FBXO7: variants seen among roughly 807,000 people sequenced by gnomAD.
FBXO7 encodes F-box only protein 7.
In FBXO7, 31 loss-of-function variants were observed where a neutral mutation model predicts 50.2. That is an observed-to-expected ratio of 0.62 (90% CI 0.46 to 0.83). FBXO7 has a LOEUF of 0.83. FBXO7 is among the 40% of genes least tolerant of loss of function. FBXO7 has a pLI of 0.00. For synonymous variants in FBXO7, 256 were observed against 253.1 expected (o/e 1.01, Z -0.11); for missense variants, 667 against 646.6 (o/e 1.03, Z -0.34).
intron 2 of FBXO7, among the ~76,000 whole-genome samples, chr22:32,483,294 A>G (rs2057476701): frequency 6.6e-6 from 1 of 152,250 alleles, no homozygotes; most frequent in Non-Finnish European, 1.5e-5. Context: ...TGCAGCATGC[A>G]GTATTTTCCA....
At chr22:32,487,098 CT>C (rs1568975931) in intron 4 of FBXO7, among the ~76,000 whole-genome samples, 1 of 152,232 alleles carries the variant, frequency 6.6e-6, no homozygotes, top group Non-Finnish European at 1.5e-5. Context: ...TCTTGGCAGA[CT>C]TGCATGGCAG....
At chr22:32,490,743 G>T in intron 5 of FBXO7, 1 of 261,504 alleles carries the variant, frequency 3.8e-6, no homozygotes, top group South Asian at 4.9e-5. Flanking sequence ...AACAGGAGCA[G>T]TTCTCCACTG....
Position 32,475,105 on chromosome 22 carries a change from C to T in FBXO7, c.103C>T (p.Leu35=), listed in dbSNP as rs1202155810. The T allele has an allele frequency of 1.3e-6, 2 of 1,544,654 alleles. No individual in the cohort carries two copies. Among genetic ancestry groups the T allele is most frequent in the Non-Finnish European group, 8.7e-7 (1 of 1,145,140 alleles). The change falls in exon 1 of 9, where the codon CTG becomes TTG. Residue 35 remains leucine (L), a synonymous_variant. Transcript: ENST00000266087. ...GCGCTCGCACCTGAGGCAGTCCCTG[C>T]TGTGCACCTGGGGGTACAGGTACGC... ...HLRSHLRQSL[L]CTWGYSSNTR...
chr22:32,489,736 G>T (rs1459921782), intron 5 of FBXO7: 4 of 152,188 alleles, frequency 2.6e-5, no homozygotes, highest in African/African-American at 9.7e-5. Context: ...CAAGTTTATG[G>T]ACTGTTATAA....
In FBXO7 at chr22:32,491,174, C is replaced by G. The variant is rs1387297750; in HGVS notation, c.960C>G (p.Thr320=). The G allele has an allele frequency of 1.9e-6, 3 of 1,597,384 alleles. No homozygotes were observed. Among genetic ancestry groups the G allele is most frequent in the Admixed American group, 3.3e-5 (2 of 59,966 alleles). The change falls in exon 6 of 9, where the codon ACC becomes ACG. Residue 320 remains threonine (T), a synonymous_variant. Coordinates refer to ENST00000266087, the MANE Select transcript of FBXO7 (RefSeq NM_012179.4). ...TGGTGTATCCTCTTCTGGCTTTTAC[C>G]CGACAAGGTAAGAGATGAAATACTG... The part of the protein sequence containing the change: ...DQLVYPLLAF[T]RQALNLPDVF...
chr22:32,479,034 A>T lies in FBXO7; in HGVS notation c.176A>T (p.Asp59Val). The change falls in exon 2 of 9, where the codon GAT becomes GTT. Residue 59 changes from aspartate to valine, a missense_variant. Transcript: ENST00000266087. ...TLNYKDPLTG[D>V]EETLASYGIV... ...AACTACAAGGATCCCCTCACTGGAG[A>T]TGAAGAGACCTTGGCTTCATATGGG... 1 of 1,614,198 alleles carries T rather than the reference A, an allele frequency of 6.2e-7. No homozygotes were observed. The highest frequency in any genetic ancestry group is 8.5e-7 in the Non-Finnish European group (1 of 1,180,028).
At position 32,478,567 on chromosome 22, in the gene FBXO7, A is replaced by G. The variant is rs376425466; in HGVS notation, c.123-414A>G. Among the ~76,000 whole-genome samples, 93 of 152,278 alleles carry G rather than the reference A, an allele frequency of 6.1e-4. 4 individuals are homozygous for G. In the South Asian group the frequency reaches 0.018, roughly 29 times the overall value. Reference sequence around the variant, plus strand: ...AAATACTTTTGATAATTTTCTCAAAACTATAAGCTTGATAGGGTAATGCGT... The same window carrying G: ...AAATACTTTTGATAATTTTCTCAAAGCTATAAGCTTGATAGGGTAATGCGT... On this transcript the variant is annotated intron_variant, in intron 1 of 8. Coordinates refer to ENST00000266087, the MANE Select transcript of FBXO7 (RefSeq NM_012179.4).
intron 1 of FBXO7, among the ~76,000 whole-genome samples, chr22:32,477,836 G>T (rs1048060252): frequency 8.5e-5 from 13 of 152,208 alleles, no homozygotes; most frequent in Admixed American, 5.9e-4. Flanking sequence ...TTATTTGCCA[G>T]TGTTGAAGAT....
rs762946358 is a variant in FBXO7 at position 32,475,429 on chromosome 22, C to T, written c.122+305C>T. ...TCATGGCTTCTGGTTTTGCAGTAAA[C>T]GGAACCAGGGAGAGGAGGGAACGCA... On this transcript the variant is annotated intron_variant, in intron 1 of 8. Transcript: ENST00000266087. 4 of 1,609,408 alleles carry T rather than the reference C, an allele frequency of 2.5e-6. No individual in the cohort carries two copies. In the East Asian group the frequency reaches 9.0e-5, roughly 36 times the overall value.
At chr22:32,484,771 T>A (rs1428437494) in intron 3 of FBXO7, among the ~76,000 whole-genome samples, 1 of 152,212 alleles carries the variant, frequency 6.6e-6, no homozygotes, top group Non-Finnish European at 1.5e-5. Context: ...AATAATCATA[T>A]GGCTTTGCTA....
intron 2 of FBXO7, among the ~76,000 whole-genome samples, chr22:32,483,427 T>C (rs2057477774): frequency 6.6e-6 from 1 of 152,178 alleles, no homozygotes; most frequent in African/African-American, 2.4e-5. Context: ...TGATCAGATT[T>C]TTAATTGTCA....
intron 1 of FBXO7, 28 bp from the exon 2 acceptor site, chr22:32,478,953 T>TA: frequency 6.2e-7 from 1 of 1,609,796 alleles, no homozygotes; most frequent in Non-Finnish European, 8.5e-7. Flanking sequence ...AGGTAGTTCT[T>TA]ACTATGCTTA....
intron 7 of FBXO7, among the ~76,000 whole-genome samples, 173 bp downstream of exon 7, chr22:32,493,454 C>T (rs1032022073): frequency 1.3e-5 from 2 of 152,166 alleles, no homozygotes; most frequent in Non-Finnish European, 1.5e-5. Context: ...AAAACTCTCT[C>T]ATTTTTGTGT....
At chr22:32,493,344 C>A in intron 7 of FBXO7, 63 bp downstream of exon 7, 1 of 1,431,664 alleles carries the variant, frequency 7.0e-7, no homozygotes, top group Non-Finnish European at 9.9e-7. Context: ...CTCAGCTCAC[C>A]AAAAGTTTTT....
chr22:32,487,957 G>T (rs2057509840), intron 5 of FBXO7, 129 bp downstream of exon 5: 3 of 675,958 alleles, frequency 4.4e-6, no homozygotes, highest in Admixed American at 5.2e-5. Context: ...AGACAATGTG[G>T]TTTGTTTAAG....
At position 32,485,183 on chromosome 22, in the gene FBXO7, C is replaced by G. The variant is rs1325598867; in HGVS notation, c.761C>G (p.Pro254Arg). The change falls in exon 4 of 9, where the codon CCT becomes CGT. Residue 254 changes from proline to arginine, a missense_variant. Pro to Arg is a moderately radical substitution (Grantham distance 103). Coordinates refer to ENST00000266087, the MANE Select transcript of FBXO7 (RefSeq NM_012179.4). The stretch of plus-strand genomic sequence containing the variant: ...AGCTCCGCTACTCTCACCTGTGTGC[C>G]TTTGGGAAACCTGATTGTTGTAAAT... ...EGSSATLTCV[P>R]LGNLIVVNAT... The G allele has an allele frequency of 6.2e-6, 10 of 1,614,116 alleles. No individual in the cohort carries two copies. The highest frequency in any genetic ancestry group is 8.5e-6 in the Non-Finnish European group (10 of 1,179,998).
chr22:32,488,030 GTT>G, intron 5 of FBXO7: 1 of 531,580 alleles, frequency 1.9e-6, no homozygotes, highest in South Asian at 2.1e-5. Flanking sequence ...TTTCTTTCCT[GTT>G]TTTCTTAGGG....
chr22:32,486,029 C>T (rs2057496320), intron 4 of FBXO7, among the ~76,000 whole-genome samples: 1 of 152,088 alleles, frequency 6.6e-6, no homozygotes, highest in South Asian at 2.1e-4. Flanking sequence ...TATAGCTCAT[C>T]TTTTTCGTTT....
intron 7 of FBXO7, among the ~76,000 whole-genome samples, chr22:32,493,842 G>C (rs560220531): frequency 4.0e-5 from 6 of 151,560 alleles, no homozygotes; most frequent in South Asian, 2.1e-4. Flanking sequence ...TTGACCCTGG[G>C]GTGGGTCATG....
Sources: gnomAD v4.1 joint callset for allele counts (sites outside exome capture counted in the v4.1 genomes callset) on GRCh38, gnomAD v4.1.1 for gene constraint, MANE v1.5 for transcripts, NCBI Gene and HGNC (gene_info 2026-07-23, HGNC 2026-07-21) for gene names.